Variants in LIFR observed in about 807,000 individuals in gnomAD.
LIFR encodes LIF receptor subunit alpha.
A neutral mutation model predicts 122.2 loss-of-function variants in LIFR; 84 were observed. The observed-to-expected ratio is 0.69, with a 90% CI of 0.58 to 0.82. LIFR has a LOEUF of 0.82. LIFR is among the 40% of genes least tolerant of loss of function. The pLI is 0.00. For synonymous variants in LIFR, 422 were observed against 434.7 expected (o/e 0.97, Z 0.36); for missense variants, 1,294 against 1,311.6 (o/e 0.99, Z 0.21).
At chr5:38,594,816 C>A in intron 1 of LIFR, 1 of 187,392 alleles carries the variant, frequency 5.3e-6, no homozygotes, top group Non-Finnish European at 1.1e-5. Flanking sequence ...GGAAAAAAAG[C>A]GAAACAATGT....
intron 1 of LIFR, among the ~76,000 whole-genome samples, chr5:38,570,720 C>G (rs1477302345): frequency 6.6e-6 from 1 of 152,120 alleles, no homozygotes; most frequent in African/African-American, 2.4e-5. Flanking sequence ...TAACGTTAGC[C>G]AATTTGTGTC....
chr5:38,500,167 G>C (rs899165656), intron 11 of LIFR, among the ~76,000 whole-genome samples: 2 of 152,018 alleles, frequency 1.3e-5, no homozygotes, highest in African/African-American at 2.4e-5. Flanking sequence ...CTGTGTCTTT[G>C]TGTTTGTGTG....
At chr5:38,506,277 CTGTTCA>C (rs1191713333) in intron 8 of LIFR, among the ~76,000 whole-genome samples, 7 of 152,190 alleles carry the variant, frequency 4.6e-5, no homozygotes, top group African/African-American at 1.4e-4. Flanking sequence ...GAAACAGTCT[CTGTTCA>C]TGTTCAAGTG....
chr5:38,533,599 G>A (rs981871504), intron 1 of LIFR, among the ~76,000 whole-genome samples: 3 of 152,216 alleles, frequency 2.0e-5, no homozygotes, highest in African/African-American at 7.2e-5. Context: ...AAAAAGAGTT[G>A]AGAAAAGTAA....
intron 5 of LIFR, among the ~76,000 whole-genome samples, chr5:38,521,833 T>A (rs918263687): frequency 2.6e-5 from 4 of 152,070 alleles, no homozygotes; most frequent in Non-Finnish European, 5.9e-5. Flanking sequence ...CAGCAGGGTG[T>A]GTGGGCCTAA....
chr5:38,550,275 T>G (rs1748131288), intron 1 of LIFR: 2 of 955,872 alleles, frequency 2.1e-6, no homozygotes, highest in Non-Finnish European at 2.5e-6. Context: ...TTAAAATAGC[T>G]GAGCTATTGA....
At chr5:38,606,048 G>T (rs770555931) in intron 2 of LIFR, among the ~76,000 whole-genome samples, 1 of 152,154 alleles carries the variant, frequency 6.6e-6, no homozygotes. Flanking sequence ...GATAGTTGGG[G>T]TTCACAAGTG....
intron 18 of LIFR, among the ~76,000 whole-genome samples, chr5:38,483,959 C>G (rs1468234581): frequency 6.6e-6 from 1 of 152,208 alleles, no homozygotes; most frequent in African/African-American, 2.4e-5. Flanking sequence ...TGACCATGCA[C>G]ATGGCCCTCT....
At chr5:38,528,122 G>A (rs1746789364) in intron 3 of LIFR, among the ~76,000 whole-genome samples, 1 of 152,170 alleles carries the variant, frequency 6.6e-6, no homozygotes, top group African/African-American at 2.4e-5. Flanking sequence ...TCAAGCCATT[G>A]TACTCAATAT....
chr5:38,487,766 C>T (rs1744366543), intron 16 of LIFR, among the ~76,000 whole-genome samples: 1 of 152,108 alleles, frequency 6.6e-6, no homozygotes, highest in Admixed American at 6.5e-5. Context: ...AGGGGATCTG[C>T]TTGTAGTTAG....
intron 12 of LIFR, among the ~76,000 whole-genome samples, chr5:38,497,439 A>G (rs1307347843): frequency 6.6e-6 from 1 of 152,264 alleles, no homozygotes; most frequent in Non-Finnish European, 1.5e-5. Flanking sequence ...AGTGAATAAA[A>G]AACAATATTT....
rs1007014623 is a variant in LIFR, at chr5:38,593,577, G to A, written c.-20+1684C>T. ...TAGAAGATGCATCAGAGAAGAGGAG[G>A]GGGATAGACGGGTGGGTAGATGAGA... is the stretch of plus-strand genomic sequence containing the variant. On this transcript the variant is annotated intron_variant, in intron 1 of 19. Coordinates refer to the LIFR transcript ENST00000263409. 3.3e-5 allele frequency among the ~76,000 whole-genome samples: 5 copies of A among 151,966 alleles called. No individual in the cohort carries two copies. In the South Asian group the frequency reaches 1.0e-3, roughly 32 times the overall value.
At chr5:38,590,651 A>G (rs1749893649) in intron 1 of LIFR, among the ~76,000 whole-genome samples, 1 of 152,182 alleles carries the variant, frequency 6.6e-6, no homozygotes, top group African/African-American at 2.4e-5. Flanking sequence ...ATTCATTAGC[A>G]TGTATTGAGT....
chr5:38,549,238 T>C (rs897280893), intron 1 of LIFR, among the ~76,000 whole-genome samples: 22 of 142,250 alleles, frequency 1.5e-4, no homozygotes, highest in Non-Finnish European at 2.6e-4. Flanking sequence ...TACTACATAA[T>C]ATGTAGAAAA....
Position 38,493,519 on chromosome 5 carries a change from G to A in LIFR, c.2065+87C>T, listed in dbSNP as rs1561140129. 8 of 1,284,394 alleles carry A rather than the reference G, an allele frequency of 6.2e-6. No homozygotes were observed. In the East Asian group the frequency reaches 9.3e-5, roughly 15 times the overall value. The allele number at this position is 1,284,394 out of a possible 1,614,324, so 79.6% of individuals were successfully genotyped here. A position where few individuals can be genotyped will look rare whatever the true frequency, so the allele number is the denominator to read the frequency against. On this transcript the variant is annotated intron_variant, in intron 14 of 19. Coordinates refer to ENST00000453190, the MANE Select transcript of LIFR (RefSeq NM_001127671.2). ...CTATTTATACCCATCCAGCAGTAAA[G>A]AGAATCACTTCACTGCACCCAGTCT...
At chr5:38,489,665 A>C (rs1324076518) in intron 15 of LIFR, among the ~76,000 whole-genome samples, 2 of 152,156 alleles carry the variant, frequency 1.3e-5, no homozygotes, top group Non-Finnish European at 2.9e-5. Flanking sequence ...GAGGACGAGT[A>C]AAATTGTGAA....
chr5:38,567,904 C>T (rs1749080101), intron 1 of LIFR, among the ~76,000 whole-genome samples: 1 of 152,184 alleles, frequency 6.6e-6, no homozygotes, highest in South Asian at 2.1e-4. Flanking sequence ...CATTCTAGCT[C>T]ATTCTCTCCC....
intron 1 of LIFR, among the ~76,000 whole-genome samples, chr5:38,561,751 G>A (rs1748845941): frequency 6.6e-6 from 1 of 152,168 alleles, no homozygotes; most frequent in South Asian, 2.1e-4. Context: ...GCCTCCAATT[G>A]TCCTTGCAAA....
chr5:38,553,674 T>TA (rs1561203611), intron 1 of LIFR, among the ~76,000 whole-genome samples: 44 of 93,814 alleles, frequency 4.7e-4, no homozygotes, highest in Middle Eastern at 5.3e-3. Context: ...ATATATATAT[T>TA]ATATGTATGT....
Sources: gnomAD v4.1 joint callset for allele counts (sites outside exome capture counted in the v4.1 genomes callset) on GRCh38, gnomAD v4.1.1 for gene constraint, MANE v1.5 for transcripts, NCBI Gene and HGNC (gene_info 2026-07-23, HGNC 2026-07-21) for gene names.